PACS2: variants seen among roughly 807,000 people sequenced by gnomAD.
PACS2 encodes the protein phosphofurin acidic cluster sorting protein 2, also known as PACS1-like protein.
Under a neutral mutation model 113.0 loss-of-function variants are expected in PACS2, and 36 were observed. The ratio of observed to expected loss-of-function variants is 0.32; its 90% CI spans 0.24 to 0.42. The LOEUF is 0.42. PACS2 is among the 10% of genes least tolerant of loss of function. The pLI is 1.00. For synonymous variants in PACS2, 589 were observed against 536.1 expected (o/e 1.10, Z -1.36); for missense variants, 1,015 against 1,239.5 (o/e 0.82, Z 2.72).
chr14:105,304,749 A>AAG (rs1395445103), intron 1 of PACS2, among the ~76,000 whole-genome samples: 1 of 152,246 alleles, frequency 6.6e-6, no homozygotes, highest in African/African-American at 2.4e-5. Flanking sequence ...ATCATGGAGG[A>AAG]AGGCAAGGAG....
chr14:105,392,561 T>C (rs1475022656), intron 22 of PACS2, 58 bp from the exon 23 acceptor site: 2 of 1,432,604 alleles, frequency 1.4e-6, no homozygotes, highest in Non-Finnish European at 1.9e-6. Flanking sequence ...GGGACAGTGA[T>C]GTCCCCATCA....
At chr14:105,302,204 CTT>C (rs1274491955) in intron 1 of PACS2, among the ~76,000 whole-genome samples, 7 of 132,762 alleles carry the variant, frequency 5.3e-5, no homozygotes, top group Admixed American at 1.5e-4. Context: ...TTTTTTCTTT[CTT>C]TTTTTTTTTT....
At chr14:105,360,491 C>CGA (rs1391178116) in intron 4 of PACS2, among the ~76,000 whole-genome samples, 19 of 149,168 alleles carry the variant, frequency 1.3e-4, no homozygotes, top group African/African-American at 4.5e-4. Flanking sequence ...TGCAGTGAGC[C>CGA]GAGATCACGC....
Position 105,315,806 on chromosome 14 carries a change from C to T in PACS2, c.119+769C>T, listed in dbSNP as rs1365275768. ...TTTCTTCGTGACTTGGTAGTTCCTG[C>T]TCAGGAAGCTCCCAGGCTAAGGAGG... On this transcript the variant is annotated intron_variant, in intron 1 of 24. Coordinates refer to ENST00000447393, the MANE Select transcript of PACS2 (RefSeq NM_001100913.3). The surrounding 1 kb of genome is among the most constrained non-coding windows in gnomAD (Gnocchi z 4.4). Among the ~76,000 whole-genome samples, 1 of 152,250 alleles carries T rather than the reference C, an allele frequency of 6.6e-6. No homozygotes were observed. The highest frequency in any genetic ancestry group is 1.5e-5 in the Non-Finnish European group (1 of 68,050).
intron 4 of PACS2, among the ~76,000 whole-genome samples, chr14:105,359,418 C>T (rs2060584360): frequency 6.6e-6 from 1 of 151,784 alleles, no homozygotes; most frequent in Non-Finnish European, 1.5e-5. Context: ...AGTGATTCTC[C>T]TTCCTCCGCC....
Position 105,390,384 on chromosome 14 carries a change from C to T in PACS2, c.2076+381C>T, listed in dbSNP as rs1453190212. ...AAGGCCCCGGGAGCTTCCCAGTGCT[C>T]ACTTGGGCTGCAGCCTGCAGTGTGT... On this transcript the variant is annotated intron_variant, in intron 20 of 24. Transcript: ENST00000447393. The T allele has an allele frequency of 1.1e-4, 33 of 300,202 alleles. No homozygotes were observed. The East Asian group carries it at 2.3e-3, about 21-fold the overall frequency. The allele number at this position is 300,202 out of a possible 1,614,324, so 18.6% of individuals were successfully genotyped here.
intron 1 of PACS2, among the ~76,000 whole-genome samples, chr14:105,332,490 T>G (rs1275230046): frequency 6.6e-6 from 1 of 152,164 alleles, no homozygotes; most frequent in Non-Finnish European, 1.5e-5. Context: ...AGGAAGCAGT[T>G]GGGATTGTGA....
At chr14:105,345,558 A>G (rs2059893308) in intron 1 of PACS2, among the ~76,000 whole-genome samples, 1 of 152,082 alleles carries the variant, frequency 6.6e-6, no homozygotes, top group Admixed American at 6.5e-5. Flanking sequence ...TTCCATTCAG[A>G]GTGTTCTCTG....
intron 4 of PACS2, among the ~76,000 whole-genome samples, chr14:105,362,365 C>T (rs1302154915): frequency 1.7e-4 from 25 of 147,322 alleles, no homozygotes; most frequent in East Asian, 8.0e-4. Context: ...TGCAGTGAGC[C>T]GAGATCGCGC....
Position 105,324,805 on chromosome 14 carries a change from T to G in PACS2, c.119+9768T>G, listed in dbSNP as rs1294313847. ...TGGGCTGCTCTCAGGCCCGGGACATTCATGGCCGTAGCCCCAGGTCCTCTG... is the reference window on the plus strand; with the variant it reads ...TGGGCTGCTCTCAGGCCCGGGACATGCATGGCCGTAGCCCCAGGTCCTCTG... On this transcript the variant is annotated intron_variant, in intron 1 of 24. Transcript: ENST00000447393. This position sits in a 1 kb window ranked among gnomAD's most constrained non-coding sequence, Gnocchi z 4.7. Among the ~76,000 whole-genome samples, 1 of 151,970 alleles carries G rather than the reference T, an allele frequency of 6.6e-6. No homozygotes were observed. Among genetic ancestry groups the G allele is most frequent in the Non-Finnish European group, 1.5e-5 (1 of 67,952 alleles).
At chr14:105,327,502 G>A (rs907802982) in intron 1 of PACS2, among the ~76,000 whole-genome samples, 1 of 152,202 alleles carries the variant, frequency 6.6e-6, no homozygotes, top group Non-Finnish European at 1.5e-5. Context: ...CCTGTCAAAT[G>A]GTGCTGGGGG....
chr14:105,355,984 C>G lies in PACS2; in HGVS notation c.423+807C>G, dbSNP rs1555405266. 1.3e-5 allele frequency among the ~76,000 whole-genome samples: 2 copies of G among 152,138 alleles called. No homozygotes were observed. The highest frequency in any genetic ancestry group is 4.8e-5 in the African/African-American group (2 of 41,420). On this transcript the variant is annotated intron_variant, in intron 4 of 24. Coordinates refer to ENST00000447393, the MANE Select transcript of PACS2 (RefSeq NM_001100913.3). The surrounding 1 kb of genome is among the most constrained non-coding windows in gnomAD (Gnocchi z 4.1). ...CCAGGGGCTGCGGGCGTGAGTGGTG[C>G]TTGGGGCATGTGAAGCTGGGTTGCT...
At chr14:105,325,044 C>G (rs1048254049) in intron 1 of PACS2, among the ~76,000 whole-genome samples, 2 of 152,244 alleles carry the variant, frequency 1.3e-5, no homozygotes, top group East Asian at 1.9e-4. Flanking sequence ...CCTCAGCACC[C>G]CCTGGCCAAG....
At chr14:105,304,170 C>T (rs1454959242) in intron 1 of PACS2, among the ~76,000 whole-genome samples, 8 of 152,160 alleles carry the variant, frequency 5.3e-5, no homozygotes, top group Non-Finnish European at 1.0e-4. Flanking sequence ...GTGGGGAAGA[C>T]CACACCCACA....
intron 4 of PACS2, among the ~76,000 whole-genome samples, chr14:105,359,532 T>C (rs2060589507): frequency 6.6e-6 from 1 of 151,320 alleles, no homozygotes; most frequent in Non-Finnish European, 1.5e-5. Context: ...GGTCTTGAAC[T>C]CCTGACCTCA....
rs782807474 is a variant in PACS2, at chr14:105,391,786, C to T, written c.2255+20C>T. 2.5e-5 allele frequency: 39 copies of T among 1,575,366 alleles called. No individual in the cohort carries two copies. Among genetic ancestry groups the T allele is most frequent in the Admixed American group, 3.7e-5 (2 of 53,624 alleles). ...CCCCAGGTAAAGGTGCCTCACGGCT[C>T]AGCACGTTTCACTTACCCGCCCCAC... On this transcript the variant is annotated intron_variant, in intron 22 of 24. Transcript: ENST00000447393.
chr14:105,345,674 C>T (rs587649151), intron 1 of PACS2, among the ~76,000 whole-genome samples: 3 of 152,328 alleles, frequency 2.0e-5, no homozygotes, highest in African/African-American at 2.4e-5. Flanking sequence ...GCTAGTCTAA[C>T]GCCATTTTGG....
At chr14:105,361,970 C>T (rs181079974) in intron 4 of PACS2, among the ~76,000 whole-genome samples, 59 of 150,412 alleles carry the variant, frequency 3.9e-4, no homozygotes, top group African/African-American at 6.4e-4. Flanking sequence ...ACAAAAAAAA[C>T]GAATTAGTGG....
chr14:105,312,469 C>G (rs2058373174), upstream of PACS2, among the ~76,000 whole-genome samples: 1 of 152,218 alleles, frequency 6.6e-6, no homozygotes, highest in South Asian at 2.1e-4. Context: ...GCCCAGCCAC[C>G]CCAGTCATCC....
Sources: gnomAD v4.1 joint callset for allele counts (sites outside exome capture counted in the v4.1 genomes callset) on GRCh38, gnomAD v4.1.1 for gene constraint, Gnocchi (gnomAD v3.1) non-coding constraint, MANE v1.5 for transcripts, NCBI Gene and HGNC (gene_info 2026-07-23, HGNC 2026-07-21) for gene names.